The following PCDHGA5 variants were observed in gnomAD, a reference collection of about 807,000 sequenced individuals.
The protein encoded by PCDHGA5 is protocadherin gamma-A5.
In PCDHGA5, 36 loss-of-function variants were observed where a neutral mutation model predicts 56.7. The ratio of observed to expected loss-of-function variants is 0.64; its 90% CI spans 0.49 to 0.84. PCDHGA5 has a LOEUF of 0.84. Ranked by LOEUF, PCDHGA5 falls within the 40% of genes least tolerant of loss-of-function variation. PCDHGA5 has a pLI of 0.00. For synonymous variants in PCDHGA5, 563 were observed against 520.2 expected (o/e 1.08, Z -1.12); for missense variants, 1,305 against 1,201.5 (o/e 1.09, Z -1.27).
chr5:141,399,202 G>T, intron 1 of PCDHGA5: 1 of 1,613,914 alleles, frequency 6.2e-7, no homozygotes, highest in Non-Finnish European at 8.5e-7. Context: ...CGCGGTGCCT[G>T]GAACACTAAT....
chr5:141,395,809 A>T (rs1448942836), intron 1 of PCDHGA5: 1 of 152,108 alleles, frequency 6.6e-6, no homozygotes, highest in Non-Finnish European at 1.5e-5. Flanking sequence ...CCTTCAAAAC[A>T]TGAACAAACT....
chr5:141,506,760 G>A (rs1018086132), intron 3 of PCDHGA5, among the ~76,000 whole-genome samples: 1 of 152,128 alleles, frequency 6.6e-6, no homozygotes, highest in Non-Finnish European at 1.5e-5. Context: ...CTAGCTTCTG[G>A]AGCAGCAAAT....
intron 1 of PCDHGA5, among the ~76,000 whole-genome samples, chr5:141,470,205 G>T (rs934926584): frequency 6.6e-6 from 1 of 152,094 alleles, no homozygotes; most frequent in Non-Finnish European, 1.5e-5. Flanking sequence ...AAATATGAAG[G>T]CTAAACCATT....
chr5:141,390,053 C>G, intron 1 of PCDHGA5: 1 of 1,614,066 alleles, frequency 6.2e-7, no homozygotes, highest in Non-Finnish European at 8.5e-7. Context: ...CCTCCTGGAG[C>G]TGCTTCCAGC....
At chr5:141,415,425 T>G (rs777503392) in intron 1 of PCDHGA5, 7 of 1,614,080 alleles carry the variant, frequency 4.3e-6, no homozygotes, top group African/African-American at 1.3e-5. Context: ...TGGACGGGGT[T>G]CGGGCTTTCC....
chr5:141,461,921 T>G (rs2099026403), intron 1 of PCDHGA5, among the ~76,000 whole-genome samples: 1 of 152,222 alleles, frequency 6.6e-6, no homozygotes, highest in Non-Finnish European at 1.5e-5. Flanking sequence ...CCTCCTGGGT[T>G]CCAGCAATTC....
intron 1 of PCDHGA5, among the ~76,000 whole-genome samples, chr5:141,443,832 A>G (rs2098407108): frequency 6.6e-6 from 1 of 152,224 alleles, no homozygotes; most frequent in African/African-American, 2.4e-5. Context: ...ATTAGGTAAA[A>G]TGGGTAATAT....
At chr5:141,383,373 G>A (rs759862188) in intron 1 of PCDHGA5, 2 of 1,614,030 alleles carry the variant, frequency 1.2e-6, no homozygotes, top group South Asian at 2.2e-5. Flanking sequence ...GCGAGGCTGG[G>A]GATCCAGATG....
At chr5:141,413,775 G>T in intron 1 of PCDHGA5, 1 of 1,612,878 alleles carries the variant, frequency 6.2e-7, no homozygotes, top group South Asian at 1.1e-5. Context: ...AGCTGGTACT[G>T]GAGCACTCCC....
At chr5:141,418,568 G>A (rs769914679) in intron 1 of PCDHGA5, 62 of 1,613,902 alleles carry the variant, frequency 3.8e-5, no homozygotes, top group Non-Finnish European at 5.2e-5. Context: ...AGATGCCAAT[G>A]ACAACCCCCC....
chr5:141,409,188 C>T lies in PCDHGA5; in HGVS notation c.2421+42437C>T, dbSNP rs1487313582. ...GCGAAGGACGGAGGTGGTCTCTCTA[C>T]CCAGTGTAAAGTAATCATAGAAATC... On this transcript the variant is annotated intron_variant, in intron 1 of 3. Transcript: ENST00000518069. 9 of 1,613,880 alleles carry T rather than the reference C, an allele frequency of 5.6e-6. No homozygotes were observed. In the Admixed American group the frequency reaches 8.3e-5, roughly 15 times the overall value.
Position 141,365,172 on chromosome 5 carries a change from T to C in PCDHGA5, c.842T>C (p.Phe281Ser). ...ATAAACGGGAAATTGACCTACTCTTTTCGCAATGAAGAAGAAAAAATTTCG... is the reference window on the plus strand; with the variant it reads ...ATAAACGGGAAATTGACCTACTCTTCTCGCAATGAAGAAGAAAAAATTTCG... Reference protein sequence around the residue: ...EGINGKLTYSFRNEEEKISET... With the variant: ...EGINGKLTYSSRNEEEKISET... The change falls in exon 1 of 4, where the codon TTT (phenylalanine) becomes TCT (serine). Residue 281 changes from phenylalanine to serine, a missense_variant. By Grantham distance (155) the Phe-to-Ser change is radical. Coordinates refer to ENST00000518069, the MANE Select transcript of PCDHGA5 (RefSeq NM_018918.3). 2 of 1,613,882 alleles carry C rather than the reference T, an allele frequency of 1.2e-6. No individual in the cohort carries two copies. The highest frequency in any genetic ancestry group is 1.7e-6 in the Non-Finnish European group (2 of 1,179,886).
intron 1 of PCDHGA5, chr5:141,398,946 C>A: frequency 6.2e-7 from 1 of 1,613,948 alleles, no homozygotes; most frequent in Non-Finnish European, 8.5e-7. Flanking sequence ...ACGAGGGCAT[C>A]AACTCAGAAA....
rs1764072437 is a variant in PCDHGA5, at chr5:141,365,714, A to G, written c.1384A>G (p.Thr462Ala). The G allele has an allele frequency of 6.2e-7, 1 of 1,613,646 alleles. No individual in the cohort carries two copies. Among genetic ancestry groups the G allele is most frequent in the Non-Finnish European group, 8.5e-7 (1 of 1,179,860 alleles). Reference sequence around the variant, plus strand: ...TCAAGCCTCCTACTCCACCTCTGTCACAGAAAACAATCCCAGAGGTGTCTC... The same window carrying G: ...TCAAGCCTCCTACTCCACCTCTGTCGCAGAAAACAATCCCAGAGGTGTCTC... Reference protein sequence around the residue: ...FPQASYSTSVTENNPRGVSIF... With the variant: ...FPQASYSTSVAENNPRGVSIF... The change falls in exon 1 of 4, where the codon ACA (threonine) becomes GCA (alanine). Residue 462 changes from threonine (T) to alanine (A), a missense_variant. Thr to Ala is a moderately conservative substitution (Grantham distance 58, BLOSUM62 0). Coordinates refer to ENST00000518069, the MANE Select transcript of PCDHGA5 (RefSeq NM_018918.3).
intron 1 of PCDHGA5, among the ~76,000 whole-genome samples, chr5:141,439,662 G>A (rs2098125902): frequency 6.6e-6 from 1 of 152,150 alleles, no homozygotes; most frequent in South Asian, 2.1e-4. Flanking sequence ...TAATTTCATG[G>A]AATGCAAATC....
At chr5:141,458,219 C>T (rs2098940224) in intron 1 of PCDHGA5, among the ~76,000 whole-genome samples, 1 of 152,248 alleles carries the variant, frequency 6.6e-6, no homozygotes, top group African/African-American at 2.4e-5. Flanking sequence ...AATAAGTTTC[C>T]TTTCCCAGTC....
intron 1 of PCDHGA5, among the ~76,000 whole-genome samples, chr5:141,460,684 T>C (rs1417815686): frequency 6.6e-6 from 1 of 152,074 alleles, no homozygotes; most frequent in Non-Finnish European, 1.5e-5. Context: ...TATCTATATA[T>C]CCACCAACAG....
chr5:141,468,360 A>T (rs1249822461), intron 1 of PCDHGA5: 1 of 151,938 alleles, frequency 6.6e-6, no homozygotes, highest in East Asian at 1.9e-4. Flanking sequence ...GAAAGAAAAA[A>T]GAAATAACTC....
rs1767458792 is a variant in PCDHGA5 at position 141,371,070 on chromosome 5, A to G, written c.2421+4319A>G. ...GGGCGAGCCCTCCAGAAGCTGTACCACCCAGATCAGGGTAATTGTCGCAGA... is the reference window on the plus strand; with the variant it reads ...GGGCGAGCCCTCCAGAAGCTGTACCGCCCAGATCAGGGTAATTGTCGCAGA... On this transcript the variant is annotated intron_variant, in intron 1 of 3. Coordinates refer to ENST00000518069, the MANE Select transcript of PCDHGA5 (RefSeq NM_018918.3). The G allele has an allele frequency of 3.7e-6, 6 of 1,613,796 alleles. No individual in the cohort carries two copies. The highest frequency in any genetic ancestry group is 5.1e-6 in the Non-Finnish European group (6 of 1,179,860).
Sources: allele counts gnomAD v4.1 joint callset (sites outside exome capture counted in the v4.1 genomes callset), GRCh38; gene constraint gnomAD v4.1.1; transcripts MANE v1.5; gene names NCBI Gene and HGNC (gene_info 2026-07-23, HGNC 2026-07-21).